Variants in DCC observed in about 807,000 individuals in gnomAD.
DCC encodes the protein netrin receptor DCC.
Under a neutral mutation model 172.5 loss-of-function variants are expected in DCC, and 58 were observed. The observed-to-expected ratio is 0.34, with a 90% CI of 0.27 to 0.42. DCC has a LOEUF of 0.42. DCC is among the 10% of genes least tolerant of loss of function. DCC has a pLI of 1.00. For synonymous variants in DCC, 709 were observed against 644.5 expected, an observed-to-expected ratio of 1.10 and a Z score of -1.52; for missense variants, 1,740 against 1,791.0, an observed-to-expected ratio of 0.97 and a Z score of 0.51.
chr18:53,279,396 G>A (rs1484236424), intron 12 of DCC, among the ~76,000 whole-genome samples: 1 of 149,446 alleles, frequency 6.7e-6, no homozygotes, highest in African/African-American at 2.5e-5. Flanking sequence ...CTATCGCAAG[G>A]ACAAAAAACC....
intron 1 of DCC, among the ~76,000 whole-genome samples, chr18:52,343,260 A>C: frequency 6.6e-6 from 1 of 152,248 alleles, no homozygotes; most frequent in East Asian, 1.9e-4. Flanking sequence ...TTACAACGAG[A>C]AAGCATAGTT....
chr18:53,063,273 A>G, intron 5 of DCC, 32 bp from the exon 6 acceptor site: 1 of 1,609,784 alleles, frequency 6.2e-7, no homozygotes, highest in Non-Finnish European at 8.5e-7. Flanking sequence ...ATCCCCACCC[A>G]CTCACTCACT....
intron 1 of DCC, among the ~76,000 whole-genome samples, chr18:52,568,615 A>G (rs1317124491): frequency 6.6e-6 from 1 of 151,962 alleles, no homozygotes. Context: ...TTTTTTTCAT[A>G]ACTTGGACAA....
At chr18:53,229,818 G>T (rs1429250808) in intron 12 of DCC, among the ~76,000 whole-genome samples, 1 of 152,046 alleles carries the variant, frequency 6.6e-6, no homozygotes, top group Non-Finnish European at 1.5e-5. Context: ...TTATATTGTG[G>T]CTGTGAACAT....
At chr18:53,447,249 C>T (rs1190382807) in intron 22 of DCC, among the ~76,000 whole-genome samples, 1 of 152,180 alleles carries the variant, frequency 6.6e-6, no homozygotes, top group Non-Finnish European at 1.5e-5. Flanking sequence ...CCACTAAAGA[C>T]ACCATTGCAC....
At chr18:53,433,610 T>C (rs1911759895) in intron 21 of DCC, among the ~76,000 whole-genome samples, 1 of 152,210 alleles carries the variant, frequency 6.6e-6, no homozygotes, top group African/African-American at 2.4e-5. Context: ...GATCTCACGA[T>C]GTCTCGTGGG....
intron 1 of DCC, among the ~76,000 whole-genome samples, chr18:52,348,996 A>G (rs1290019892): frequency 1.3e-5 from 2 of 152,340 alleles, no homozygotes; most frequent in Admixed American, 1.3e-4. Flanking sequence ...ATATAATGGA[A>G]CTAAAGGATA....
chr18:53,351,612 A>C (rs2057814371), intron 15 of DCC, among the ~76,000 whole-genome samples: 1 of 149,752 alleles, frequency 6.7e-6, no homozygotes, highest in African/African-American at 2.4e-5. Context: ...TGTATTTTAT[A>C]ATCTGAGTTG....
chr18:52,704,416 C>T (rs2036173369), intron 1 of DCC, among the ~76,000 whole-genome samples: 2 of 152,112 alleles, frequency 1.3e-5, no homozygotes, highest in African/African-American at 2.4e-5. Context: ...AAAGCAATCA[C>T]TGTAATTTTT....
At chr18:53,359,891 C>T (rs1323063325) in intron 15 of DCC, among the ~76,000 whole-genome samples, 2 of 152,072 alleles carry the variant, frequency 1.3e-5, no homozygotes, top group African/African-American at 4.8e-5. Flanking sequence ...ATCTTCGAGG[C>T]TTGTATCCCA....
At chr18:52,675,224 A>G (rs2035627774) in intron 1 of DCC, among the ~76,000 whole-genome samples, 1 of 151,936 alleles carries the variant, frequency 6.6e-6, no homozygotes, top group Non-Finnish European at 1.5e-5. Context: ...ACACCTGGCT[A>G]ATTTTTGTAT....
intron 1 of DCC, among the ~76,000 whole-genome samples, chr18:52,536,637 A>C (rs576513318): frequency 1.3e-5 from 2 of 152,098 alleles, no homozygotes. Flanking sequence ...AAAAGTTGCT[A>C]TGTTTGATTT....
At chr18:53,098,308 C>T (rs947203147) in intron 7 of DCC, among the ~76,000 whole-genome samples, 4 of 151,902 alleles carry the variant, frequency 2.6e-5, no homozygotes, top group South Asian at 2.1e-4. Flanking sequence ...TTTACAGAGA[C>T]CTTACTAAGA....
chr18:52,685,775 A>T (rs950177318), intron 1 of DCC, among the ~76,000 whole-genome samples: 3 of 152,102 alleles, frequency 2.0e-5, no homozygotes, highest in African/African-American at 7.2e-5. Flanking sequence ...TCACGATCTG[A>T]TAAGGTGGAA....
Position 53,179,126 on chromosome 18 carries a change from A to G in DCC, c.1573+10A>G. On this transcript the variant is annotated intron_variant, in intron 9 of 28. Coordinates refer to ENST00000442544, the MANE Select transcript of DCC (RefSeq NM_005215.4). The stretch of plus-strand genomic sequence containing the variant: ...GCCACACAGCCTGAGTGTGAGTATG[A>G]AAAGGAACGGGCCACATTTAAAAAG... 6.2e-7 allele frequency: 1 copy of G among 1,612,634 alleles called. No homozygotes were observed. Among genetic ancestry groups the G allele is most frequent in the African/African-American group, 1.3e-5 (1 of 75,016 alleles).
chr18:53,023,621 A>G (rs1230550571), intron 5 of DCC, among the ~76,000 whole-genome samples: 1 of 152,084 alleles, frequency 6.6e-6, no homozygotes, highest in Admixed American at 6.6e-5. Context: ...TCGCCAGGCA[A>G]AACTATATTT....
intron 28 of DCC, among the ~76,000 whole-genome samples, chr18:53,529,680 C>T (rs1469588909): frequency 1.3e-5 from 2 of 152,100 alleles, no homozygotes; most frequent in Non-Finnish European, 2.9e-5. Context: ...TCTTATTTCC[C>T]CATCTGGCTA....
At chr18:53,326,610 A>G (rs978812049) in intron 14 of DCC, among the ~76,000 whole-genome samples, 2 of 152,174 alleles carry the variant, frequency 1.3e-5, no homozygotes, top group African/African-American at 2.4e-5. Flanking sequence ...AGTTTGCTCT[A>G]TTTTTAAAAA....
Position 52,581,138 on chromosome 18 carries a change from A to C in DCC, c.92-170916A>C, listed in dbSNP as rs569797275. Reference sequence around the variant, plus strand: ...TAAATATAGACAGATAAATACATAAATAAATATATAGTTATACACACACAA... The same window carrying C: ...TAAATATAGACAGATAAATACATAACTAAATATATAGTTATACACACACAA... On this transcript the variant is annotated intron_variant, in intron 1 of 28. Transcript: ENST00000442544. Among the ~76,000 whole-genome samples the C allele has an allele frequency of 7.1e-5, 7 of 98,620 alleles. No homozygotes were observed. The East Asian group carries it at 1.5e-3, about 22-fold the overall frequency. 64.7% of individuals were successfully genotyped at this position (98,620 alleles called of 152,430 possible). A position where few individuals can be genotyped will look rare whatever the true frequency, so the allele number is the denominator to read the frequency against.
Sources: allele counts gnomAD v4.1 joint callset (sites outside exome capture counted in the v4.1 genomes callset), GRCh38; gene constraint gnomAD v4.1.1; transcripts MANE v1.5; gene names NCBI Gene and HGNC (gene_info 2026-07-23, HGNC 2026-07-21).